Variants in ZHX2 observed in about 807,000 individuals in gnomAD.
ZHX2 encodes zinc fingers and homeoboxes protein 2.
In ZHX2, 6 loss-of-function variants were observed where a neutral mutation model predicts 21.9. That is an observed-to-expected ratio of 0.27 (90% CI 0.15 to 0.54). The LOEUF is 0.54. Among genes scored for constraint, ZHX2 ranks in the 20% least tolerant of loss-of-function variants. ZHX2 has a pLI of 0.95. For synonymous variants in ZHX2, 434 were observed against 437.1 expected, an observed-to-expected ratio of 0.99 and a Z score of 0.09; for missense variants, 908 against 1,090.7, an observed-to-expected ratio of 0.83 and a Z score of 2.36.
Position 122,783,124 on chromosome 8 carries a change from T to C in ZHX2, c.-283+1178T>C, listed in dbSNP as rs188364957. On this transcript the variant is annotated intron_variant, in intron 1 of 3. Transcript: ENST00000314393. ...GAGAAAACTTGATGAGGAAGCCAAA[T>C]TGTGATTTGTTCAGGTTTCCACCTG... 3.6e-3 allele frequency among the ~76,000 whole-genome samples: 552 copies of C among 152,064 alleles called. 3 individuals carry two copies. The highest frequency in any genetic ancestry group is 0.013 in the African/African-American group (529 of 41,458).
chr8:122,911,636 G>C (rs935670073), intron 2 of ZHX2, among the ~76,000 whole-genome samples: 6 of 152,064 alleles, frequency 3.9e-5, no homozygotes, highest in Non-Finnish European at 5.9e-5. Flanking sequence ...GCTATGTGCT[G>C]AGCCCTGGGG....
chr8:122,894,044 C>T (rs1165844761), intron 2 of ZHX2, among the ~76,000 whole-genome samples: 1 of 152,194 alleles, frequency 6.6e-6, no homozygotes, highest in Non-Finnish European at 1.5e-5. Context: ...GTGGATGCAG[C>T]AGTGTAGTCT....
At chr8:122,961,611 A>G (rs571994258) in intron 3 of ZHX2, among the ~76,000 whole-genome samples, 1 of 152,294 alleles carries the variant, frequency 6.6e-6, no homozygotes, top group South Asian at 2.1e-4. Context: ...AAGGGGAAGC[A>G]AGGCACCTTC....
intron 2 of ZHX2, among the ~76,000 whole-genome samples, chr8:122,906,957 C>T (rs1028150106): frequency 3.3e-5 from 5 of 152,054 alleles, no homozygotes; most frequent in African/African-American, 4.8e-5. Flanking sequence ...AGGCATGAGC[C>T]GCCATACTCG....
intron 3 of ZHX2, among the ~76,000 whole-genome samples, chr8:122,961,969 C>A (rs959336016): frequency 1.3e-5 from 2 of 152,132 alleles, no homozygotes; most frequent in South Asian, 4.1e-4. Context: ...TCTGTTGGGG[C>A]CCCACATGTT....
intron 1 of ZHX2, among the ~76,000 whole-genome samples, chr8:122,825,843 C>T (rs1208758971): frequency 6.6e-6 from 1 of 152,180 alleles, no homozygotes; most frequent in Non-Finnish European, 1.5e-5. Flanking sequence ...GCACCAACCC[C>T]TTTGGACCTA....
chr8:122,862,520 C>G (rs558934137), intron 1 of ZHX2, among the ~76,000 whole-genome samples: 17 of 152,296 alleles, frequency 1.1e-4, no homozygotes, highest in African/African-American at 3.4e-4. Context: ...GCCTGGGACT[C>G]TGTGTGTGCA....
intron 1 of ZHX2, among the ~76,000 whole-genome samples, chr8:122,836,783 G>A (rs187019792): frequency 6.6e-6 from 1 of 152,196 alleles, no homozygotes; most frequent in Non-Finnish European, 1.5e-5. Flanking sequence ...CACTGCTGGC[G>A]CAAGGCTTGC....
intron 2 of ZHX2, among the ~76,000 whole-genome samples, chr8:122,891,270 T>TTGTGTGTGTGTG (rs59893492): frequency 1.3e-5 from 1 of 77,668 alleles, no homozygotes; most frequent in Non-Finnish European, 2.7e-5. Flanking sequence ...TCTTGGTAGA[T>TTGTGTGTGTGTG]TGTGTGTGTG....
intron 2 of ZHX2, among the ~76,000 whole-genome samples, chr8:122,887,102 T>A (rs1819862011): frequency 7.0e-6 from 1 of 142,680 alleles, no homozygotes; most frequent in Admixed American, 7.0e-5. Context: ...TGTACATGAG[T>A]GAGTTAGGAG....
chr8:122,824,647 A>G (rs183206802), intron 1 of ZHX2, among the ~76,000 whole-genome samples: 1 of 152,350 alleles, frequency 6.6e-6, no homozygotes, highest in Admixed American at 6.5e-5. Flanking sequence ...GTACCAATAT[A>G]GGGCCGGTCC....
chr8:122,829,143 G>C (rs900017520), intron 1 of ZHX2, among the ~76,000 whole-genome samples: 1 of 152,144 alleles, frequency 6.6e-6, no homozygotes, highest in African/African-American at 2.4e-5. Flanking sequence ...TTTTCTGAAG[G>C]CATACAGATA....
At chr8:122,851,795 A>C (rs923259863) in intron 1 of ZHX2, among the ~76,000 whole-genome samples, 5 of 152,172 alleles carry the variant, frequency 3.3e-5, no homozygotes, top group Admixed American at 2.6e-4. Flanking sequence ...CTGGCTACCC[A>C]ACTAAGTCAG....
At chr8:122,971,361 C>T (rs1813715922) in intron 3 of ZHX2, among the ~76,000 whole-genome samples, 1 of 149,544 alleles carries the variant, frequency 6.7e-6, no homozygotes. Context: ...GCAGTGTTTA[C>T]AACTTGGTGA....
chr8:122,836,321 C>CGATGTG (rs1437840247), intron 1 of ZHX2, among the ~76,000 whole-genome samples: 1 of 152,144 alleles, frequency 6.6e-6, no homozygotes, highest in Non-Finnish European at 1.5e-5. Context: ...GATCAGTGAC[C>CGATGTG]GATGTGCATG....
In ZHX2 at chr8:122,973,419, G is replaced by A. The variant is rs1343619526; in HGVS notation, c.*182G>A. 1.3e-5 allele frequency: 2 copies of A among 152,832 alleles called. No homozygotes were observed. Among genetic ancestry groups the A allele is most frequent in the Middle Eastern group, 3.4e-3 (1 of 294 alleles). The allele number at this position is 152,832 out of a possible 1,614,324, so 9.5% of individuals were successfully genotyped here. A position where few individuals can be genotyped will look rare whatever the true frequency, so the allele number is the denominator to read the frequency against. The stretch of plus-strand genomic sequence containing the variant: ...CGACTCTCAGACGCACCTCCCAGAG[G>A]ACCGGTGGGAATTGTTCATAGTGCC... On this transcript the variant is annotated 3_prime_UTR_variant, in exon 4 of 4. Coordinates refer to ENST00000314393, the MANE Select transcript of ZHX2 (RefSeq NM_014943.5).
chr8:122,884,984 TG>T (rs1250394101), intron 2 of ZHX2, among the ~76,000 whole-genome samples: 1 of 152,164 alleles, frequency 6.6e-6, no homozygotes, highest in Non-Finnish European at 1.5e-5. Context: ...GATATTGTGC[TG>T]GGTCAGTGTA....
intron 2 of ZHX2, among the ~76,000 whole-genome samples, chr8:122,935,039 A>G (rs923636972): frequency 6.6e-6 from 1 of 152,192 alleles, no homozygotes; most frequent in Non-Finnish European, 1.5e-5. Context: ...GACTACTTCA[A>G]AAAGCCGTGT....
At chr8:122,790,620 A>G (rs1025887555) in intron 1 of ZHX2, among the ~76,000 whole-genome samples, 1 of 151,918 alleles carries the variant, frequency 6.6e-6, no homozygotes, top group Non-Finnish European at 1.5e-5. Context: ...TGTTGTTGTT[A>G]TTTTTGAGAT....
Sources: allele counts gnomAD v4.1 joint callset (sites outside exome capture counted in the v4.1 genomes callset), GRCh38; gene constraint gnomAD v4.1.1; transcripts MANE v1.5; gene names NCBI Gene and HGNC (gene_info 2026-07-23, HGNC 2026-07-21).